Variants in GNE observed in about 807,000 individuals in gnomAD.
GNE encodes the protein bifunctional UDP-N-acetylglucosamine 2-epimerase/N-acetylmannosamine kinase.
Under a neutral mutation model 61.8 loss-of-function variants are expected in GNE, and 41 were observed. The observed-to-expected ratio is 0.66, with a 90% confidence interval of 0.52 to 0.86. The LOEUF (loss-of-function observed/expected upper bound fraction) is 0.86. GNE is among the 40% of genes least tolerant of loss of function. GNE has a pLI of 0.00. For synonymous variants in GNE, 264 were observed against 326.4 expected, an observed-to-expected ratio of 0.81 and a Z score of 2.06; for missense variants, 608 against 909.1, an observed-to-expected ratio of 0.67 and a Z score of 4.26.
intron 7 of GNE, among the ~76,000 whole-genome samples, chr9:36,225,010 C>T (rs763666010): frequency 3.9e-5 from 6 of 152,172 alleles, no homozygotes; most frequent in South Asian, 2.1e-4. Flanking sequence ...AGAAATTCCA[C>T]TGTGATTTAC....
chr9:36,264,123 A>C (rs1830692184), intron 1 of GNE, among the ~76,000 whole-genome samples: 1 of 151,742 alleles, frequency 6.6e-6, no homozygotes, highest in Non-Finnish European at 1.5e-5. Context: ...CTTTTTATTT[A>C]TTTATTTATT....
At chr9:36,258,203 G>T in intron 1 of GNE, 118 bp downstream of exon 1, 1 of 451,798 alleles carries the variant, frequency 2.2e-6, no homozygotes, top group Non-Finnish European at 2.9e-6. Context: ...GGGCCTCGGG[G>T]CGCGGTGGGG....
intron 5 of GNE, among the ~76,000 whole-genome samples, chr9:36,232,893 A>G (rs953920889): frequency 2.6e-5 from 4 of 152,236 alleles, no homozygotes; most frequent in African/African-American, 9.6e-5. Context: ...TATTTTCTAA[A>G]TAAATGAATT....
chr9:36,258,453 C>G (rs374034685), upstream of GNE: 3 of 985,574 alleles, frequency 3.0e-6, no homozygotes, highest in Non-Finnish European at 3.6e-6. Context: ...GTAGACGACT[C>G]GTCGCTCGAC....
At chr9:36,262,010 A>G (rs542270092), upstream of GNE, among the ~76,000 whole-genome samples, 1 of 152,128 alleles carries the variant, frequency 6.6e-6, no homozygotes, top group Non-Finnish European at 1.5e-5. Flanking sequence ...TATGCAGAAT[A>G]GAACGTTAAA....
At position 36,219,832 on chromosome 9, in the gene GNE, A is replaced by G; in HGVS notation, c.1816+6T>C. 1.9e-6 allele frequency: 3 copies of G among 1,613,408 alleles called. No homozygotes were observed. Among genetic ancestry groups the G allele is most frequent in the Non-Finnish European group, 2.5e-6 (3 of 1,179,292 alleles). Reference sequence around the variant, plus strand: ...TTACTTAATTCCTCGAGAGAGGGACACCAACCATCATGGAGCTTTTTTGCC... The same window carrying G: ...TTACTTAATTCCTCGAGAGAGGGACGCCAACCATCATGGAGCTTTTTTGCC... On this transcript the variant is annotated splice_donor_region_variant and intron_variant, in intron 10 of 11. Transcript: ENST00000642385.
intron 3 of GNE, among the ~76,000 whole-genome samples, chr9:36,239,891 CTTATT>C (rs1366783898): frequency 6.0e-5 from 9 of 150,734 alleles, no homozygotes; most frequent in Admixed American, 1.3e-4. Flanking sequence ...TTTTATTTTA[CTTATT>C]TTATTTTATT....
chr9:36,271,579 G>A (rs1164335573), intron 1 of GNE, among the ~76,000 whole-genome samples: 1 of 152,098 alleles, frequency 6.6e-6, no homozygotes, highest in African/African-American at 2.4e-5. Flanking sequence ...TCACCATGTT[G>A]TCTAGGCTAG....
Position 36,217,544 on chromosome 9 carries a change from G to A in GNE, c.1990C>T (p.Leu664Phe). Reference sequence around the variant, plus strand: ...GCCAGGACTCCGGAGAGGATCACAAGGGAGGGATTCATGGTATGGAGGATG... The same window carrying A: ...GCCAGGACTCCGGAGAGGATCACAAAGGAGGGATTCATGGTATGGAGGATG... ...VNILHTMNPS[L>F]VILSGVLASH... The change falls in exon 12 of 12, where the codon CTT becomes TTT. Residue 664 changes from leucine (L) to phenylalanine (F), a missense_variant. Transcript: ENST00000642385. The A allele has an allele frequency of 6.2e-7, 1 of 1,614,138 alleles. No individual in the cohort carries two copies. The highest frequency in any genetic ancestry group is 8.5e-7 in the Non-Finnish European group (1 of 1,179,976).
chr9:36,216,069 G>A lies in GNE; in HGVS notation c.*1296C>T. On this transcript the variant is annotated 3_prime_UTR_variant, in exon 12 of 12. Transcript: ENST00000642385. ...AAAGTCTCTTGTAAGTTCAGCTAGA[G>A]TAATAACATCTTTCAACAAATGGTA... The A allele has an allele frequency of 6.2e-6, 2 of 322,392 alleles. No individual in the cohort carries two copies. Among genetic ancestry groups the A allele is most frequent in the Non-Finnish European group, 1.2e-5 (2 of 160,150 alleles). The allele number at this position is 322,392 out of a possible 1,614,324, so 20.0% of individuals were successfully genotyped here. A position where few individuals can be genotyped will look rare whatever the true frequency, so the allele number is the denominator to read the frequency against.
Position 36,234,150 on chromosome 9 carries a change from AC to A in GNE, c.770-19del, listed in dbSNP as rs764629661. Reference sequence around the variant, plus strand: ...TTTGCTCCCTATGAAAATGAAAAGAACCAATTGGTAAATGGTTTGTGAGATA... The same window carrying A: ...TTTGCTCCCTATGAAAATGAAAAGAACAATTGGTAAATGGTTTGTGAGATA... On this transcript the variant is annotated intron_variant, in intron 4 of 11. Transcript: ENST00000642385. 6.3e-7 allele frequency: 1 copy of A among 1,582,302 alleles called. No homozygotes were observed. Among genetic ancestry groups the A allele is most frequent in the African/African-American group, 1.3e-5 (1 of 74,332 alleles).
Position 36,218,150 on chromosome 9 carries a change from C to T in GNE, c.1933+33G>A, listed in dbSNP as rs1828415906. On this transcript the variant is annotated intron_variant, in intron 11 of 11. Transcript: ENST00000642385. This position sits in a 1 kb window ranked among gnomAD's most constrained non-coding sequence, Gnocchi z 4.1. ...GCCATATGATATCTGAGGCCACCCC[C>T]TGCAGCACAGCCACCTGCAGCCACA... The T allele has an allele frequency of 6.9e-7, 1 of 1,454,638 alleles. No homozygotes were observed. Among genetic ancestry groups the T allele is most frequent in the Middle Eastern group, 1.7e-4 (1 of 5,798 alleles). The allele number at this position is 1,454,638 out of a possible 1,614,324, so 90.1% of individuals were successfully genotyped here. A position where few individuals can be genotyped will look rare whatever the true frequency, so the allele number is the denominator to read the frequency against.
chr9:36,220,152 C>T lies in GNE; in HGVS notation c.1634-132G>A. 7.9e-6 allele frequency: 6 copies of T among 762,986 alleles called. No individual in the cohort carries two copies. In the South Asian group the frequency reaches 8.8e-5, roughly 11 times the overall value. 47.3% of individuals were successfully genotyped at this position (762,986 alleles called of 1,614,324 possible). Reference sequence around the variant, plus strand: ...AGATACTTCTTTAGACAGCTGAAGCCCACTAGGCATCAAAGCATTCTCTGG... The same window carrying T: ...AGATACTTCTTTAGACAGCTGAAGCTCACTAGGCATCAAAGCATTCTCTGG... On this transcript the variant is annotated intron_variant, in intron 9 of 11. Transcript: ENST00000642385.
At chr9:36,237,254 T>A (rs1587319727) in intron 3 of GNE, among the ~76,000 whole-genome samples, 1 of 152,336 alleles carries the variant, frequency 6.6e-6, no homozygotes, top group East Asian at 1.9e-4. Flanking sequence ...TTCACTGTTT[T>A]AAAACCCAAA....
intron 3 of GNE, among the ~76,000 whole-genome samples, chr9:36,238,785 G>T (rs915314726): frequency 1.3e-5 from 2 of 152,090 alleles, no homozygotes; most frequent in East Asian, 3.8e-4. Flanking sequence ...TTTGCTTTTG[G>T]GTTCTTGGTC....
intron 1 of GNE, chr9:36,265,567 C>G (rs942376041): frequency 2.3e-6 from 1 of 433,530 alleles, no homozygotes; most frequent in African/African-American, 2.0e-5. Context: ...AATATCTTTC[C>G]CTAGCTGGTA....
intron 4 of GNE, among the ~76,000 whole-genome samples, chr9:36,236,198 C>G (rs1247679488): frequency 6.6e-6 from 1 of 151,914 alleles, no homozygotes; most frequent in Non-Finnish European, 1.5e-5. Context: ...GAGATTCTTT[C>G]ACTTCAACTT....
intron 9 of GNE, among the ~76,000 whole-genome samples, chr9:36,221,894 C>G (rs182617666): frequency 2.4e-4 from 36 of 152,302 alleles, no homozygotes; most frequent in Admixed American, 6.5e-4. Context: ...CACCCACTCT[C>G]CAGCTTGGTG....
At chr9:36,239,409 G>A (rs1011875162) in intron 3 of GNE, among the ~76,000 whole-genome samples, 1 of 151,666 alleles carries the variant, frequency 6.6e-6, no homozygotes, top group Non-Finnish European at 1.5e-5. Context: ...CATGAGCATG[G>A]GATGTGTTTC....
Sources: allele counts gnomAD v4.1 joint callset (sites outside exome capture counted in the v4.1 genomes callset), GRCh38; gene constraint gnomAD v4.1.1; non-coding constraint Gnocchi (gnomAD v3.1); transcripts MANE v1.5; gene names NCBI Gene and HGNC (gene_info 2026-07-23, HGNC 2026-07-21).